SBF2: variants seen among roughly 807,000 people sequenced by gnomAD.
The protein encoded by SBF2 is myotubularin-related protein 13.
Under a neutral mutation model 225.2 loss-of-function variants are expected in SBF2, and 112 were observed. The observed-to-expected ratio is 0.50, with a 90% CI of 0.43 to 0.58. The LOEUF (loss-of-function observed/expected upper bound fraction) is 0.58, where lower values mean the gene tolerates loss of function less well. Among genes scored for constraint, SBF2 ranks in the 20% least tolerant of loss-of-function variants. The probability of loss-of-function intolerance (pLI) is 0.00; values close to 1 mark genes in which losing one functional copy is unlikely to be tolerated. For synonymous variants in SBF2, 763 were observed against 773.3 expected (o/e 0.99, Z 0.22); for missense variants, 1,996 against 2,206.2 (o/e 0.90, Z 1.91).
chr11:9,897,608 T>A (rs1861370643), intron 16 of SBF2, among the ~76,000 whole-genome samples: 1 of 152,190 alleles, frequency 6.6e-6, no homozygotes, highest in Admixed American at 6.5e-5. Context: ...CCACAATGGC[T>A]GCAAAAGCTG....
chr11:10,063,023 T>C (rs529646087), intron 2 of SBF2, among the ~76,000 whole-genome samples: 1 of 152,108 alleles, frequency 6.6e-6, no homozygotes, highest in Non-Finnish European at 1.5e-5. Context: ...AAGAAAGAGA[T>C]CATGTCTTTT....
chr11:9,785,378 A>G (rs1461346481), intron 36 of SBF2, 60 bp from the exon 37 acceptor site: 1 of 1,007,296 alleles, frequency 9.9e-7, no homozygotes, highest in East Asian at 2.6e-5. Flanking sequence ...ACTGACTGGA[A>G]AATTTCATTT....
rs769530676 is a variant in SBF2 at position 9,962,085 on chromosome 11, C to T, written c.1732G>A (p.Ala578Thr). 17 of 1,614,056 alleles carry T rather than the reference C, an allele frequency of 1.1e-5. No individual in the cohort carries two copies. Among genetic ancestry groups the T allele is most frequent in the Non-Finnish European group, 1.3e-5 (15 of 1,179,984 alleles). ...TEKTLPAALR[A>T]LKGKAARQCL... ...TGTCTTGCTGCCTTTCCTTTAAGGG[C>T]TCTGAGTGCAGCAGGAAGGGTCTGA... Residue 578 changes from alanine (A) to threonine (T), a missense_variant, in exon 16 of 40, where the codon GCC becomes ACC. Physicochemically the swap from Ala to Thr is moderately conservative, Grantham distance 58 (BLOSUM62 0). Coordinates refer to ENST00000256190, the MANE Select transcript of SBF2 (RefSeq NM_030962.4).
At chr11:10,182,233 G>T (rs898339668) in intron 2 of SBF2, among the ~76,000 whole-genome samples, 2 of 152,086 alleles carry the variant, frequency 1.3e-5, no homozygotes, top group African/African-American at 2.4e-5. Flanking sequence ...GATCAAAATG[G>T]GGGGGTAGGT....
chr11:9,865,149 G>C (rs975201771), intron 17 of SBF2, among the ~76,000 whole-genome samples: 2 of 152,094 alleles, frequency 1.3e-5, no homozygotes, highest in Non-Finnish European at 2.9e-5. Context: ...TATACAAGTA[G>C]TACAATGTTG....
At chr11:10,256,415 T>C (rs1017457406) in intron 1 of SBF2, among the ~76,000 whole-genome samples, 14 of 152,236 alleles carry the variant, frequency 9.2e-5, no homozygotes, top group African/African-American at 3.1e-4. Context: ...TACAGAGCTA[T>C]TGGACAGAGT....
At chr11:10,036,498 A>G (rs540832179) in intron 3 of SBF2, among the ~76,000 whole-genome samples, 1 of 152,364 alleles carries the variant, frequency 6.6e-6, no homozygotes, top group East Asian at 1.9e-4. Flanking sequence ...TGCTATGAAC[A>G]ATATTAAAAT....
At chr11:9,887,025 T>G (rs1860379945) in intron 17 of SBF2, among the ~76,000 whole-genome samples, 1 of 152,120 alleles carries the variant, frequency 6.6e-6, no homozygotes, top group Non-Finnish European at 1.5e-5. Context: ...TCTACTGAAC[T>G]GAACTGTACT....
intron 16 of SBF2, among the ~76,000 whole-genome samples, chr11:9,930,809 C>T (rs750898340): frequency 4.6e-5 from 7 of 152,184 alleles, no homozygotes; most frequent in African/African-American, 1.2e-4. Context: ...ACCTCACCTG[C>T]GAAGAGCAAG....
chr11:10,187,876 A>G (rs1429725053), intron 2 of SBF2, among the ~76,000 whole-genome samples: 1 of 152,254 alleles, frequency 6.6e-6, no homozygotes, highest in African/African-American at 2.4e-5. Flanking sequence ...CAGAACAGAC[A>G]GGACATAAAC....
intron 2 of SBF2, among the ~76,000 whole-genome samples, chr11:10,106,551 C>T (rs747206560): frequency 1.3e-5 from 2 of 151,620 alleles, no homozygotes; most frequent in Non-Finnish European, 2.9e-5. Context: ...ATCGCTTGAA[C>T]CCGCGCAGCA....
At chr11:10,061,793 A>G (rs1950456419) in intron 2 of SBF2, among the ~76,000 whole-genome samples, 1 of 152,222 alleles carries the variant, frequency 6.6e-6, no homozygotes, top group Admixed American at 6.5e-5. Flanking sequence ...ACTCAATGCT[A>G]TTCCTATCAA....
intron 26 of SBF2, among the ~76,000 whole-genome samples, 165 bp from the exon 27 acceptor site, chr11:9,832,585 T>C (rs1363053775): frequency 3.9e-5 from 6 of 152,198 alleles, no homozygotes; most frequent in Non-Finnish European, 2.9e-5. Context: ...AAGGGTAAGA[T>C]ATATTTATTT....
chr11:10,236,517 T>G (rs1031203622), intron 1 of SBF2, among the ~76,000 whole-genome samples: 1 of 152,172 alleles, frequency 6.6e-6, no homozygotes, highest in African/African-American at 2.4e-5. Flanking sequence ...TGGAGTGCAG[T>G]GGCGCGATCT....
At chr11:9,959,782 G>A (rs1024060661) in intron 16 of SBF2, 7 of 632,014 alleles carry the variant, frequency 1.1e-5, no homozygotes, top group Non-Finnish European at 2.1e-5. Context: ...TGCTGAGATG[G>A]TCATGGTGGA....
intron 22 of SBF2, 76 bp downstream of exon 22, chr11:9,849,947 A>C: frequency 7.3e-7 from 1 of 1,361,034 alleles, no homozygotes; most frequent in South Asian, 1.2e-5. Flanking sequence ...TGATCTGCAA[A>C]TCACTGTGCA....
intron 2 of SBF2, among the ~76,000 whole-genome samples, chr11:10,080,975 C>G (rs1380620601): frequency 2.0e-5 from 3 of 151,954 alleles, no homozygotes; most frequent in African/African-American, 7.3e-5. Context: ...TATTACTAAA[C>G]CTAAGAGAAA....
At chr11:10,301,859 G>A (rs766386052) in intron 1 of SBF2, among the ~76,000 whole-genome samples, 15 of 152,214 alleles carry the variant, frequency 9.9e-5, no homozygotes, top group Non-Finnish European at 1.9e-4. Context: ...TTTAGCATAT[G>A]TGTATGTGTG....
chr11:10,127,046 G>T (rs1371164568), intron 2 of SBF2, among the ~76,000 whole-genome samples: 1 of 152,000 alleles, frequency 6.6e-6, no homozygotes, highest in Non-Finnish European at 1.5e-5. Context: ...AAGGGAAATT[G>T]AGAGTTTTTT....
Sources: allele counts gnomAD v4.1 joint callset (sites outside exome capture counted in the v4.1 genomes callset), GRCh38; gene constraint gnomAD v4.1.1; transcripts MANE v1.5; gene names NCBI Gene and HGNC (gene_info 2026-07-23, HGNC 2026-07-21).